The following INPP5B variants were observed in gnomAD, a reference collection of about 807,000 sequenced individuals.
The protein encoded by INPP5B is inositol polyphosphate-5-phosphatase B.
In INPP5B, 90 loss-of-function variants were observed where a neutral mutation model predicts 118.5. The ratio of observed to expected loss-of-function variants is 0.76; its 90% CI spans 0.64 to 0.90. INPP5B has a LOEUF of 0.90. Among genes scored for constraint, INPP5B ranks in the 40% least tolerant of loss-of-function variants. The pLI, the probability that INPP5B is intolerant of heterozygous loss-of-function variation, is 0.00. For missense variants in INPP5B, 984 were observed against 1,125.6 expected, an observed-to-expected ratio of 0.87 and a Z score of 1.80; for synonymous variants, 385 against 418.9, an observed-to-expected ratio of 0.92 and a Z score of 0.99.
At chr1:37,923,637 G>A (rs1645127984) in intron 7 of INPP5B, among the ~76,000 whole-genome samples, 1 of 151,896 alleles carries the variant, frequency 6.6e-6, no homozygotes, top group Non-Finnish European at 1.5e-5. Flanking sequence ...TGGGTAGATA[G>A]GAGAGGCACT....
intron 7 of INPP5B, among the ~76,000 whole-genome samples, chr1:37,925,578 G>A (rs1370231225): frequency 1.3e-5 from 2 of 152,134 alleles, no homozygotes; most frequent in African/African-American, 4.8e-5. Flanking sequence ...ATGCAAGTCA[G>A]CTAGCATCTA....
At chr1:37,932,569 GTA>G (rs1645531158) in intron 6 of INPP5B, among the ~76,000 whole-genome samples, 1 of 151,924 alleles carries the variant, frequency 6.6e-6, no homozygotes, top group African/African-American at 2.4e-5. Context: ...GGGTTTCACC[GTA>G]TTAGCCAGGA....
Position 37,918,791 on chromosome 1 carries a change from C to T in INPP5B, c.532+13122G>A, listed in dbSNP as rs1219632937. Among the ~76,000 whole-genome samples, 4 of 152,182 alleles carry T rather than the reference C, an allele frequency of 2.6e-5. No individual in the cohort carries two copies. The East Asian group carries it at 5.8e-4, about 22-fold the overall frequency. The stretch of plus-strand genomic sequence containing the variant: ...AAATACAATCTACATGGGTCACGAA[C>T]CTAGCACAATGCCTGGTACACAGCA... On this transcript the variant is annotated intron_variant, in intron 7 of 23. Coordinates refer to ENST00000373024, the MANE Select transcript of INPP5B (RefSeq NM_005540.3).
intron 6 of INPP5B, among the ~76,000 whole-genome samples, chr1:37,936,301 T>G (rs1645688548): frequency 6.6e-6 from 1 of 152,170 alleles, no homozygotes; most frequent in South Asian, 2.1e-4. Flanking sequence ...GGAAAAACTC[T>G]TCTTCATCCT....
At chr1:37,945,889 G>C in intron 2 of INPP5B, 39 bp from the exon 3 acceptor site, 1 of 1,567,398 alleles carries the variant, frequency 6.4e-7, no homozygotes, top group Non-Finnish European at 8.8e-7. Context: ...CCAGAGGCGA[G>C]GCCTCTCCCC....
Position 37,946,355 on chromosome 1 carries a change from G to A in INPP5B, c.-26-21C>T, listed in dbSNP as rs368086621. 5.4e-5 allele frequency: 85 copies of A among 1,577,958 alleles called. 1 individual carries two copies. The highest frequency in any genetic ancestry group is 5.0e-4 in the Middle Eastern group (3 of 5,984). ...ACACCCTGTGGGAGGGGAGATAGGA[G>A]CCCCGCTTTGGTCAACAAGTTACGC... On this transcript the variant is annotated intron_variant, in intron 1 of 23. Transcript: ENST00000373024.
chr1:37,916,504 C>T (rs1644870608), intron 7 of INPP5B, among the ~76,000 whole-genome samples: 1 of 151,890 alleles, frequency 6.6e-6, no homozygotes, highest in African/African-American at 2.4e-5. Flanking sequence ...ACAACCTCTG[C>T]CTCCCCGGTT....
At chr1:37,941,363 C>G (rs1370978538) in intron 5 of INPP5B, among the ~76,000 whole-genome samples, 1 of 152,112 alleles carries the variant, frequency 6.6e-6, no homozygotes, top group Admixed American at 6.6e-5. Context: ...AGAGTGTGGG[C>G]TAGGCTGGGC....
At chr1:37,887,276 GA>G in intron 11 of INPP5B, 74 bp downstream of exon 11, 1 of 952,312 alleles carries the variant, frequency 1.1e-6, no homozygotes, top group South Asian at 1.4e-5. Flanking sequence ...AAAGGTCATG[GA>G]AAAGGTGAAA....
intron 7 of INPP5B, among the ~76,000 whole-genome samples, chr1:37,928,357 G>GT (rs1001121763): frequency 6.6e-6 from 1 of 151,128 alleles, no homozygotes; most frequent in Non-Finnish European, 1.5e-5. Flanking sequence ...TTTTTTTGGG[G>GT]TTTTTTTGTT....
intron 22 of INPP5B, among the ~76,000 whole-genome samples, chr1:37,865,432 CAGA>C (rs1641969134): frequency 6.6e-6 from 1 of 152,100 alleles, no homozygotes; most frequent in Non-Finnish European, 1.5e-5. Context: ...AACAAATCAG[CAGA>C]AGGAGATCGT....
intron 6 of INPP5B, among the ~76,000 whole-genome samples, chr1:37,935,745 C>A (rs1014894020): frequency 4.0e-4 from 61 of 152,240 alleles, no homozygotes; most frequent in African/African-American, 1.4e-3. Context: ...ACTTGCAAAT[C>A]TTGCCTTATC....
intron 7 of INPP5B, among the ~76,000 whole-genome samples, chr1:37,927,478 C>G (rs1645273786): frequency 6.6e-6 from 1 of 152,104 alleles, no homozygotes; most frequent in African/African-American, 2.4e-5. Context: ...AGACACTGGT[C>G]TGAACCTGAA....
chr1:37,884,263 C>T lies in INPP5B; in HGVS notation c.1320-1345G>A, dbSNP rs549039975. On this transcript the variant is annotated intron_variant, in intron 13 of 23. Transcript: ENST00000373024. ...AGCAGAACTCAGACTACAATATAGC[C>T]GTCAACTGCTGTTTTGTCATATTCT... 5 of 152,172 alleles carry T rather than the reference C, an allele frequency of 3.3e-5. No homozygotes were observed. In the South Asian group the frequency reaches 6.2e-4, roughly 19 times the overall value. 9.4% of individuals were successfully genotyped at this position (152,172 alleles called of 1,614,324 possible). A position where few individuals can be genotyped will look rare whatever the true frequency, so the allele number is the denominator to read the frequency against.
At chr1:37,887,641 G>A (rs1457582509) in intron 10 of INPP5B, among the ~76,000 whole-genome samples, 176 bp from the exon 11 acceptor site, 4 of 152,172 alleles carry the variant, frequency 2.6e-5, no homozygotes, top group African/African-American at 4.8e-5. Context: ...TGCAGGTGCT[G>A]TTGCAAACAA....
At position 37,940,811 on chromosome 1, in the gene INPP5B, G is replaced by A; in HGVS notation, c.281-13C>T. On this transcript the variant is annotated splice_polypyrimidine_tract_variant and intron_variant, in intron 5 of 23. Coordinates refer to ENST00000373024, the MANE Select transcript of INPP5B (RefSeq NM_005540.3). ...GTCACATCTGAGCCTGCACAAAGGA[G>A]GCAGGAAATGAACCCTTGGCTGCCA... 1 of 1,588,534 alleles carries A rather than the reference G, an allele frequency of 6.3e-7. No homozygotes were observed. The highest frequency in any genetic ancestry group is 8.6e-7 in the Non-Finnish European group (1 of 1,157,178).
chr1:37,887,790 T>A (rs899255912), intron 10 of INPP5B, among the ~76,000 whole-genome samples: 46 of 152,226 alleles, frequency 3.0e-4, no homozygotes, highest in African/African-American at 1.1e-3. Context: ...TGAATTCTAG[T>A]TCTTTTCAAT....
chr1:37,879,426 A>G (rs1217913009), intron 15 of INPP5B, among the ~76,000 whole-genome samples: 2 of 151,942 alleles, frequency 1.3e-5, no homozygotes, highest in Non-Finnish European at 2.9e-5. Context: ...AATCATACCT[A>G]CTTCAACAGG....
chr1:37,918,492 C>T (rs1375452869), intron 7 of INPP5B, among the ~76,000 whole-genome samples: 1 of 152,188 alleles, frequency 6.6e-6, no homozygotes, highest in Non-Finnish European at 1.5e-5. Context: ...CTCCCACCTC[C>T]TCCTTCATGA....
Sources: gnomAD v4.1 joint callset for allele counts (sites outside exome capture counted in the v4.1 genomes callset) on GRCh38, gnomAD v4.1.1 for gene constraint, MANE v1.5 for transcripts, NCBI Gene and HGNC (gene_info 2026-07-23, HGNC 2026-07-21) for gene names.